ULBP3: variants seen among roughly 807,000 people sequenced by gnomAD.
ULBP3 encodes UL16 binding protein 3.
Under a neutral mutation model 24.9 loss-of-function variants are expected in ULBP3, and 25 were observed. The ratio of observed to expected loss-of-function variants is 1.00; its 90% CI spans 0.73 to 1.40. The LOEUF (loss-of-function observed/expected upper bound fraction) is 1.40. Ranked by LOEUF, ULBP3 falls within the 40% of genes most tolerant of loss-of-function variation. The probability of loss-of-function intolerance (pLI) is 0.00; values close to 1 mark genes in which losing one functional copy is unlikely to be tolerated. For missense variants in ULBP3, 306 were observed against 307.5 expected, an observed-to-expected ratio of 1.00 and a Z score of 0.04; for synonymous variants, 114 against 114.7, an observed-to-expected ratio of 0.99 and a Z score of 0.04.
Position 150,065,444 on chromosome 6 carries a change from C to G in ULBP3, c.582G>C (p.Trp194Cys). 1 of 1,614,206 alleles carries G rather than the reference C, an allele frequency of 6.2e-7. No individual in the cohort carries two copies. The change falls in exon 3 of 5, where the codon TGG becomes TGC. Residue 194 changes from tryptophan to cysteine, a missense_variant. Coordinates refer to ENST00000367339, the MANE Select transcript of ULBP3 (RefSeq NM_024518.3). Reference protein sequence around the residue: ...KMVSMRDCKSWLRDFLMHRKK... With the variant: ...KMVSMRDCKSCLRDFLMHRKK... The stretch of plus-strand genomic sequence containing the variant: ...TCCTGTGCATCAGGAAGTCCCTAAG[C>G]CAGCTCTTGCAGTCTCTCATTGAGA...
In ULBP3 at chr6:150,063,344, C is replaced by G. The variant is rs1403968648; in HGVS notation, c.*30G>C. The G allele has an allele frequency of 1.6e-5, 16 of 979,518 alleles. No homozygotes were observed. The highest frequency in any genetic ancestry group is 1.9e-5 in the Non-Finnish European group (16 of 824,644). 60.7% of individuals were successfully genotyped at this position (979,518 alleles called of 1,614,324 possible). The stretch of plus-strand genomic sequence containing the variant: ...GGCTAACAGAGGCTTCTTGATATCA[C>G]CTTCCACCTTGAGGAAAGATGAAGC... On this transcript the variant is annotated 3_prime_UTR_variant, in exon 5 of 5. Transcript: ENST00000367339.
At chr6:150,066,846 G>A (rs115491658) in intron 1 of ULBP3, among the ~76,000 whole-genome samples, 291 of 152,274 alleles carry the variant, frequency 1.9e-3, no homozygotes, top group African/African-American at 6.7e-3. Context: ...CTGTCAAGAA[G>A]CTCAGGGATG....
At chr6:150,067,059 T>C (rs200278461) in intron 1 of ULBP3, among the ~76,000 whole-genome samples, 10 of 152,178 alleles carry the variant, frequency 6.6e-5, no homozygotes, top group African/African-American at 1.7e-4. Flanking sequence ...GCTATGCCCA[T>C]GGCTCATAGA....
Position 150,065,436 on chromosome 6 carries a change from T to C in ULBP3, c.590A>G (p.Asp197Gly), listed in dbSNP as rs773401265. The C allele has an allele frequency of 1.2e-6, 2 of 1,614,126 alleles. No homozygotes were observed. Among genetic ancestry groups the C allele is most frequent in the Non-Finnish European group, 1.7e-6 (2 of 1,179,990 alleles). The change falls in exon 3 of 5, where the codon GAC becomes GGC. Residue 197 changes from aspartate to glycine, a missense_variant. Coordinates refer to ENST00000367339, the MANE Select transcript of ULBP3 (RefSeq NM_024518.3). Reference sequence around the variant, plus strand: ...CCTCTTCTTCCTGTGCATCAGGAAGTCCCTAAGCCAGCTCTTGCAGTCTCT... The same window carrying C: ...CCTCTTCTTCCTGTGCATCAGGAAGCCCCTAAGCCAGCTCTTGCAGTCTCT... ...SMRDCKSWLR[D>G]FLMHRKKRLE... is the part of the protein sequence containing the mutation.
In ULBP3 at chr6:150,062,599, C is replaced by T. The variant is rs1417149644; in HGVS notation, c.*775G>A. The stretch of plus-strand genomic sequence containing the variant: ...GGATTAATACAATTCTTGGTCAGTG[C>T]ATGGAAAGGATCCCTGAGGTCTGAA... On this transcript the variant is annotated 3_prime_UTR_variant, in exon 5 of 5. Transcript: ENST00000367339. Among the ~76,000 whole-genome samples, 3 of 152,142 alleles carry T rather than the reference C, an allele frequency of 2.0e-5. No individual in the cohort carries two copies. The highest frequency in any genetic ancestry group is 1.3e-4 in the Admixed American group (2 of 15,282).
chr6:150,064,497 G>A (rs1776317407), intron 4 of ULBP3, 88 bp downstream of exon 4: 3 of 1,202,234 alleles, frequency 2.5e-6, no homozygotes, highest in African/African-American at 3.0e-5. Flanking sequence ...CGGCCATGGG[G>A]AGAGGTGGGA....
intron 3 of ULBP3, 125 bp downstream of exon 3, chr6:150,065,271 TCA>T (rs1174761614): frequency 1.2e-5 from 16 of 1,330,730 alleles, no homozygotes; most frequent in Non-Finnish European, 1.6e-5. Context: ...ACACTCACAC[TCA>T]CACATACATA....
chr6:150,066,000 G>T lies in ULBP3; in HGVS notation c.251C>A (p.Ala84Asp). Residue 84 changes from alanine to aspartate, a missense_variant, in exon 2 of 5, where the codon GCC becomes GAC. Transcript: ENST00000367339. ...SMGHLEEQLY[A>D]TDAWGKQLEM... ...CAGTTGTTTTCCCCAGGCATCTGTG[G>T]CATACAGCTGCTCTTCTAGGTGACC... is the stretch of plus-strand genomic sequence containing the variant. 6.2e-7 allele frequency: 1 copy of T among 1,614,178 alleles called. No homozygotes were observed.
chr6:150,063,456 G>A (rs1776300930), intron 4 of ULBP3, 105 bp from the exon 5 acceptor site: 2 of 568,726 alleles, frequency 3.5e-6, no homozygotes, highest in Non-Finnish European at 4.5e-6. Flanking sequence ...TTCTCCCCCA[G>A]ATAAGGAACA....
At chr6:150,066,364 G>T (rs565394536) in intron 1 of ULBP3, among the ~76,000 whole-genome samples, 1 of 152,224 alleles carries the variant, frequency 6.6e-6, no homozygotes, top group East Asian at 1.9e-4. Context: ...ACTCACATCC[G>T]TCAGCACAGG....
intron 1 of ULBP3, among the ~76,000 whole-genome samples, chr6:150,067,001 A>C (rs1284330422): frequency 6.6e-6 from 1 of 152,112 alleles, no homozygotes; most frequent in Non-Finnish European, 1.5e-5. Flanking sequence ...CAATGATGGA[A>C]ATAATTAGAG....
chr6:150,064,526 C>T (rs1352512754), intron 4 of ULBP3, 59 bp downstream of exon 4: 1 of 1,484,870 alleles, frequency 6.7e-7, no homozygotes, highest in East Asian at 2.3e-5. Flanking sequence ...ATTCTCCTTT[C>T]CCTTCCTCCC....
In ULBP3 at chr6:150,064,701, A is replaced by C. The variant is rs139865016; in HGVS notation, c.641T>G (p.Met214Arg). 1 of 1,614,034 alleles carries C rather than the reference A, an allele frequency of 6.2e-7. No individual in the cohort carries two copies. Among genetic ancestry groups the C allele is most frequent in the Admixed American group, 1.7e-5 (1 of 60,014 alleles). Residue 214 changes from methionine to arginine, a missense_variant, in exon 4 of 5, where the codon ATG (methionine) becomes AGG (arginine). By Grantham distance (91) the Met-to-Arg change is moderately conservative (BLOSUM62 -1). Coordinates refer to ENST00000367339, the MANE Select transcript of ULBP3 (RefSeq NM_024518.3). ...TTTGGGTTGAGCTAAGCCTGGGGCC[A>C]TGGTGGGTGGTGCTGAAAGGGAAAC... ...KRLEPTAPPTMAPGLAQPKAI... is the reference protein window; with the variant it reads ...KRLEPTAPPTRAPGLAQPKAI...
At chr6:150,068,911 A>C in intron 1 of ULBP3, 68 bp downstream of exon 1, 1 of 1,468,710 alleles carries the variant, frequency 6.8e-7, no homozygotes, top group South Asian at 1.4e-5. Context: ...CCTCCTCTGA[A>C]ACCCGCTGCA....
At position 150,062,701 on chromosome 6, in the gene ULBP3, A is replaced by C. The variant is rs1468022317; in HGVS notation, c.*673T>G. On this transcript the variant is annotated 3_prime_UTR_variant, in exon 5 of 5. Transcript: ENST00000367339. ...TTCAGAGAAATGTCTGCTTTTCCACAATCAAAGAAGTAGAAAGAAAATGCC... is the reference window on the plus strand; with the variant it reads ...TTCAGAGAAATGTCTGCTTTTCCACCATCAAAGAAGTAGAAAGAAAATGCC... 6.6e-6 allele frequency among the ~76,000 whole-genome samples: 1 copy of C among 152,252 alleles called. No individual in the cohort carries two copies. The highest frequency in any genetic ancestry group is 2.4e-5 in the African/African-American group (1 of 41,464).
At position 150,061,754 on chromosome 6, in the gene ULBP3, C is replaced by CCT. The variant is rs1776276378; in HGVS notation, c.*1618_*1619dup. 6.6e-6 allele frequency among the ~76,000 whole-genome samples: 1 copy of CCT among 152,166 alleles called. No individual in the cohort carries two copies. The highest frequency in any genetic ancestry group is 2.1e-4 in the South Asian group (1 of 4,828). On this transcript the variant is annotated 3_prime_UTR_variant, in exon 5 of 5. Coordinates refer to ENST00000367339, the MANE Select transcript of ULBP3 (RefSeq NM_024518.3). ...TCTTTTGGATAAAATGAATTCTTTT[C>CCT]CTGTGGATATATCCCGAGTAGTGGG... is the stretch of plus-strand genomic sequence containing the variant.
In ULBP3 at chr6:150,062,628, C is replaced by T. The variant is rs116478323; in HGVS notation, c.*746G>A. ...GAAAGGATCCCTGAGGTCTGAAGTC[C>T]TGCATGCTATTTTACTAGCAATACC... On this transcript the variant is annotated 3_prime_UTR_variant, in exon 5 of 5. Transcript: ENST00000367339. Among the ~76,000 whole-genome samples the T allele has an allele frequency of 0.019, 2,873 of 152,310 alleles. 99 individuals are homozygous for T. Among genetic ancestry groups the T allele is most frequent in the African/African-American group, 0.066 (2,738 of 41,564 alleles).
chr6:150,066,876 G>A (rs1354200592), intron 1 of ULBP3, among the ~76,000 whole-genome samples: 2 of 152,150 alleles, frequency 1.3e-5, no homozygotes, highest in Non-Finnish European at 2.9e-5. Flanking sequence ...GAAGCCCAGG[G>A]TCAGGGGTAG....
In ULBP3 at chr6:150,069,121, T is replaced by A; in HGVS notation, c.-55A>T. 6.4e-7 allele frequency: 1 copy of A among 1,571,906 alleles called. No individual in the cohort carries two copies. Among genetic ancestry groups the A allele is most frequent in the Non-Finnish European group, 8.6e-7 (1 of 1,156,826 alleles). The stretch of plus-strand genomic sequence containing the variant: ...CGCAGTCGATGTGGAGACCAGCGTA[T>A]GAATCACTTCGGCCCTCGCATGCCA... On this transcript the variant is annotated 5_prime_UTR_variant, in exon 1 of 5. Coordinates refer to ENST00000367339, the MANE Select transcript of ULBP3 (RefSeq NM_024518.3).
Sources: allele counts gnomAD v4.1 joint callset (sites outside exome capture counted in the v4.1 genomes callset), GRCh38; gene constraint gnomAD v4.1.1; transcripts MANE v1.5; gene names NCBI Gene and HGNC (gene_info 2026-07-23, HGNC 2026-07-21).